Variants in GFM1 observed in about 807,000 individuals in gnomAD.
The protein encoded by GFM1 is elongation factor G, mitochondrial.
In GFM1, 62 loss-of-function variants were observed where a neutral mutation model predicts 96.2. The ratio of observed to expected loss-of-function variants is 0.64; its 90% CI spans 0.53 to 0.80. The LOEUF is 0.80. Ranked by LOEUF, GFM1 falls within the 30% of genes least tolerant of loss-of-function variation. The pLI is 0.00. For missense variants in GFM1, 852 were observed against 916.6 expected, an observed-to-expected ratio of 0.93 and a Z score of 0.91; for synonymous variants, 282 against 312.9, an observed-to-expected ratio of 0.90 and a Z score of 1.04.
chr3:158,662,247 C>T (rs1723255183), intron 10 of GFM1, among the ~76,000 whole-genome samples: 1 of 151,842 alleles, frequency 6.6e-6, no homozygotes. Context: ...TCTCTGTTTG[C>T]CTTATCAGTA....
In GFM1 at chr3:158,675,310, A is replaced by AAAAAAAAGG. The variant is rs370161147; in HGVS notation, c.1602-6685_1602-6684insAAAAAAAGG. Among the ~76,000 whole-genome samples, 5 of 114,052 alleles carry AAAAAAAAGG rather than the reference A, an allele frequency of 4.4e-5. 1 individual carries two copies. The highest frequency in any genetic ancestry group is 6.9e-5 in the Non-Finnish European group (4 of 58,040). 74.8% of individuals were successfully genotyped at this position (114,052 alleles called of 152,430 possible). ...CAAAAAAAAAAAAAAAAAAAAAAAA[A>AAAAAAAAGG]CAAGTTTTCAAGATAAAAGAGGAGC... On this transcript the variant is annotated intron_variant, in intron 13 of 17. Coordinates refer to ENST00000486715, the MANE Select transcript of GFM1 (RefSeq NM_024996.7).
chr3:158,688,050 A>G (rs1015162212), intron 15 of GFM1, among the ~76,000 whole-genome samples: 1 of 152,034 alleles, frequency 6.6e-6, no homozygotes, highest in Non-Finnish European at 1.5e-5. Context: ...TTATAATAGT[A>G]TACTATTATT....
At position 158,692,217 on chromosome 3, in the gene GFM1, G is replaced by A. The variant is rs1726377572; in HGVS notation, c.*750G>A. 1 of 152,268 alleles carries A rather than the reference G, an allele frequency of 6.6e-6. No individual in the cohort carries two copies. The highest frequency in any genetic ancestry group is 1.5e-5 in the Non-Finnish European group (1 of 68,100). 9.4% of individuals were successfully genotyped at this position (152,268 alleles called of 1,614,324 possible). A position where few individuals can be genotyped will look rare whatever the true frequency, so the allele number is the denominator to read the frequency against. Reference sequence around the variant, plus strand: ...AACTGCCTCTGTTTTAGGAGTATAAGTATTACTTCCTTGTGGTCTATTGTG... The same window carrying A: ...AACTGCCTCTGTTTTAGGAGTATAAATATTACTTCCTTGTGGTCTATTGTG... On this transcript the variant is annotated 3_prime_UTR_variant, in exon 18 of 18. Transcript: ENST00000486715.
In GFM1 at chr3:158,653,503, A is replaced by G. The variant is rs764670134; in HGVS notation, c.998+36A>G. 6 of 1,496,966 alleles carry G rather than the reference A, an allele frequency of 4.0e-6. No homozygotes were observed. In the African/African-American group the frequency reaches 5.5e-5, roughly 14 times the overall value. 92.7% of individuals were successfully genotyped at this position (1,496,966 alleles called of 1,614,324 possible). A position where few individuals can be genotyped will look rare whatever the true frequency, so the allele number is the denominator to read the frequency against. On this transcript the variant is annotated intron_variant, in intron 7 of 17. Coordinates refer to ENST00000486715, the MANE Select transcript of GFM1 (RefSeq NM_024996.7). The stretch of plus-strand genomic sequence containing the variant: ...AAAATTGAATCTTAGTTTATGCAGA[A>G]ATACTTTCGTATTTATGCACTGTGA...
chr3:158,660,482 A>C (rs1476373540), intron 9 of GFM1: 2 of 240,172 alleles, frequency 8.3e-6, no homozygotes, highest in Non-Finnish European at 1.7e-5. Flanking sequence ...TCCTGACCTC[A>C]GGTGATCCAC....
chr3:158,690,162 G>A lies in GFM1; in HGVS notation c.1910-1G>A, dbSNP rs1462851267. 2 of 1,608,230 alleles carry A rather than the reference G, an allele frequency of 1.2e-6. No homozygotes were observed. The highest frequency in any genetic ancestry group is 1.7e-6 in the Non-Finnish European group (2 of 1,177,166). ...TGAACTTTTTTTTTTTTTTAACCCA[G>A]CCTTGGCAAATGCAACATTATGTAT... is the stretch of plus-strand genomic sequence containing the variant. On this transcript the variant is annotated splice_acceptor_variant, in intron 15 of 17. Coordinates refer to ENST00000486715, the MANE Select transcript of GFM1 (RefSeq NM_024996.7). LOFTEE classifies it high-confidence loss of function.
In GFM1 at chr3:158,688,257, T is replaced by C. The variant is rs553921168; in HGVS notation, c.1910-1906T>C. On this transcript the variant is annotated intron_variant, in intron 15 of 17. Transcript: ENST00000486715. ...GGAAAAATTTCTTTTAGGACTTGGA[T>C]GCAATGTGGCTATTGAAAAATGGCA... Among the ~76,000 whole-genome samples, 78 of 152,314 alleles carry C rather than the reference T, an allele frequency of 5.1e-4. 2 individuals carry two copies. The South Asian group carries it at 0.016, about 31-fold the overall frequency.
chr3:158,671,453 A>T (rs1401503818), intron 13 of GFM1, among the ~76,000 whole-genome samples: 2 of 152,242 alleles, frequency 1.3e-5, no homozygotes, highest in African/African-American at 4.8e-5. Context: ...GATTACTGCA[A>T]AGCAATTGGA....
At chr3:158,685,610 G>C (rs898135536) in intron 15 of GFM1, among the ~76,000 whole-genome samples, 1 of 152,170 alleles carries the variant, frequency 6.6e-6, no homozygotes, top group African/African-American at 2.4e-5. Flanking sequence ...TGGGGCAGTG[G>C]TTGGGGAGGG....
chr3:158,659,421 A>G (rs1031323798), intron 9 of GFM1, among the ~76,000 whole-genome samples: 5 of 152,226 alleles, frequency 3.3e-5, no homozygotes, highest in African/African-American at 1.2e-4. Context: ...CTTAAAGATA[A>G]GAGAATAATA....
At chr3:158,668,690 C>T (rs1382684510) in intron 13 of GFM1, among the ~76,000 whole-genome samples, 1 of 152,198 alleles carries the variant, frequency 6.6e-6, no homozygotes, top group East Asian at 1.9e-4. Flanking sequence ...GCTTCCTAGT[C>T]TCTATGTTCC....
At chr3:158,667,567 C>T (rs1283605327) in intron 13 of GFM1, among the ~76,000 whole-genome samples, 1 of 152,184 alleles carries the variant, frequency 6.6e-6, no homozygotes, top group Non-Finnish European at 1.5e-5. Flanking sequence ...AGGCAACTTG[C>T]CTGAGCCTAG....
At position 158,682,106 on chromosome 3, in the gene GFM1, T is replaced by G. The variant is rs1350582337; in HGVS notation, c.1713T>G (p.Asp571Glu). ...ACTACACTAAATTGGAATTTTCAGA[T>G]GAAACATTCGGATCAAATATTCCAA... is the stretch of plus-strand genomic sequence containing the variant. Reference protein sequence around the residue: ...PEDYTKLEFSDETFGSNIPKQ... With the variant: ...PEDYTKLEFSEETFGSNIPKQ... Residue 571 changes from aspartate to glutamate, a missense_variant, in exon 14 of 18, where the codon GAT becomes GAG. Asp to Glu is a conservative substitution (Grantham distance 45). Transcript: ENST00000486715. 5.0e-6 allele frequency: 8 copies of G among 1,613,732 alleles called. No individual in the cohort carries two copies. Among genetic ancestry groups the G allele is most frequent in the Non-Finnish European group, 4.2e-6 (5 of 1,179,832 alleles).
chr3:158,655,492 A>AAT (rs1722675269), intron 8 of GFM1, among the ~76,000 whole-genome samples: 2 of 151,872 alleles, frequency 1.3e-5, no homozygotes, highest in Non-Finnish European at 2.9e-5. Flanking sequence ...TCGGAAAAAA[A>AAT]AAAAAAGAAA....
At chr3:158,673,475 T>A (rs1426937330) in intron 13 of GFM1, among the ~76,000 whole-genome samples, 1 of 151,330 alleles carries the variant, frequency 6.6e-6, no homozygotes, top group Non-Finnish European at 1.5e-5. Context: ...AGGTCTTCGC[T>A]GCCTGGATTG....
At chr3:158,665,248 A>G in intron 11 of GFM1, 89 bp from the exon 12 acceptor site, 1 of 945,270 alleles carries the variant, frequency 1.1e-6, no homozygotes, top group Non-Finnish European at 1.7e-6. Context: ...CTGCTGATGT[A>G]TTTTATTTCA....
At chr3:158,681,358 A>G (rs1261699791) in intron 13 of GFM1, among the ~76,000 whole-genome samples, 1 of 152,230 alleles carries the variant, frequency 6.6e-6, no homozygotes, top group African/African-American at 2.4e-5. Flanking sequence ...GTATATATGT[A>G]AAGTGCTTAT....
At chr3:158,677,988 C>T (rs1187960709) in intron 13 of GFM1, among the ~76,000 whole-genome samples, 1 of 152,160 alleles carries the variant, frequency 6.6e-6, no homozygotes, top group Non-Finnish European at 1.5e-5. Context: ...TTCTCATTGT[C>T]AAAATCCTAG....
intron 4 of GFM1, among the ~76,000 whole-genome samples, chr3:158,648,715 C>T (rs1490618973): frequency 1.3e-5 from 2 of 149,008 alleles, no homozygotes; most frequent in African/African-American, 4.9e-5. Flanking sequence ...GTGGGCTCAG[C>T]TATCCTACTA....
Sources: allele counts gnomAD v4.1 joint callset (sites outside exome capture counted in the v4.1 genomes callset), GRCh38; gene constraint gnomAD v4.1.1; transcripts MANE v1.5; gene names NCBI Gene and HGNC (gene_info 2026-07-23, HGNC 2026-07-21).